The following AAR2 variants were observed in gnomAD, a reference collection of about 807,000 sequenced individuals.
The protein encoded by AAR2 is protein AAR2 homolog.
Under a neutral mutation model 26.9 loss-of-function variants are expected in AAR2, and 31 were observed. That is an observed-to-expected ratio of 1.15 (90% CI 0.86 to 1.55). The LOEUF is 1.55. Among genes scored for constraint, AAR2 ranks in the 40% most tolerant of loss-of-function variants. AAR2 has a pLI of 0.00. For synonymous variants in AAR2, 188 were observed against 196.1 expected (o/e 0.96, Z 0.34); for missense variants, 430 against 491.3 (o/e 0.88, Z 1.18).
intron 3 of AAR2, among the ~76,000 whole-genome samples, chr20:36,247,605 C>T (rs184242022): frequency 3.9e-5 from 6 of 152,250 alleles, no homozygotes; most frequent in Admixed American, 3.3e-4. Context: ...TGGTGGCTCA[C>T]GCCTGTGATC....
At position 36,240,089 on chromosome 20, in the gene AAR2, G is replaced by T. The variant is rs769382754; in HGVS notation, c.221G>T (p.Arg74Leu). The T allele has an allele frequency of 1.2e-6, 2 of 1,614,216 alleles. No individual in the cohort carries two copies. The highest frequency in any genetic ancestry group is 1.1e-5 in the South Asian group (1 of 91,090). Residue 74 changes from arginine (R) to leucine (L), a missense_variant, in exon 2 of 4, where the codon CGT becomes CTT. Coordinates refer to ENST00000320849, the MANE Select transcript of AAR2 (RefSeq NM_001271874.2). ...GCTAATCCGAAGGAAGTAGGCCCTC[G>T]TATGGGTTTCTTCCTTAGCCTGCAC... ...DKANPKEVGP[R>L]MGFFLSLHQR...
chr20:36,248,339 T>C (rs970720715), intron 3 of AAR2, among the ~76,000 whole-genome samples: 16 of 144,580 alleles, frequency 1.1e-4, no homozygotes, highest in African/African-American at 3.3e-4. Context: ...TTCTTCTTCT[T>C]TTTTTTTTTT....
rs1001115790 is a variant in AAR2 at position 36,244,783 on chromosome 20, T to G, written c.844T>G (p.Cys282Gly). 35 of 1,614,078 alleles carry G rather than the reference T, an allele frequency of 2.2e-5. No individual in the cohort carries two copies. The highest frequency in any genetic ancestry group is 3.0e-5 in the Non-Finnish European group (35 of 1,180,042). ...EHWKRLLNLL[C>G]RSEAAMMKHH... ...TTGGAAGCGGCTCCTGAACCTCCTG[T>G]GCCGGTCAGAAGCAGCCATGATGAA... The change falls in exon 3 of 4, where the codon TGC (cysteine) becomes GGC (glycine). Residue 282 changes from cysteine to glycine, a missense_variant. By Grantham distance (159) the Cys-to-Gly change is radical. Coordinates refer to ENST00000320849, the MANE Select transcript of AAR2 (RefSeq NM_001271874.2).
intron 3 of AAR2, among the ~76,000 whole-genome samples, chr20:36,251,022 C>T (rs576048094): frequency 2.8e-4 from 42 of 152,078 alleles, no homozygotes; most frequent in Admixed American, 7.2e-4. Flanking sequence ...CATGGCGAAA[C>T]CCTGTCTCTA....
At chr20:36,242,179 G>C (rs1296907805) in intron 2 of AAR2, among the ~76,000 whole-genome samples, 1 of 131,712 alleles carries the variant, frequency 7.6e-6, no homozygotes, top group Admixed American at 8.6e-5. Context: ...ACAGGGTTTC[G>C]CTGTGTCGCC....
intron 1 of AAR2, 38 bp from the exon 2 acceptor site, chr20:36,239,783 C>T (rs1439373177): frequency 6.8e-7 from 1 of 1,464,584 alleles, no homozygotes; most frequent in Non-Finnish European, 9.2e-7. Flanking sequence ...GCATCTTTCC[C>T]CCACGTTCTG....
Position 36,244,854 on chromosome 20 carries a change from G to C in AAR2, c.915G>C (p.Gln305His). 6.2e-7 allele frequency: 1 copy of C among 1,614,162 alleles called. No homozygotes were observed. The highest frequency in any genetic ancestry group is 8.5e-7 in the Non-Finnish European group (1 of 1,180,030). The change falls in exon 3 of 4, where the codon CAG (glutamine) becomes CAC (histidine). Residue 305 changes from glutamine to histidine, a missense_variant. Physicochemically the swap from Gln to His is conservative, Grantham distance 24. Coordinates refer to ENST00000320849, the MANE Select transcript of AAR2 (RefSeq NM_001271874.2). ...YINLISILYH[Q>H]LGEIPADFFV... ...ACCTCATCTCCATCCTGTACCACCA[G>C]CTTGGTGAGATCCCCGCTGACTTCT...
Position 36,255,930 on chromosome 20 carries a change from C to A in AAR2, c.*185C>A. 1 of 825,814 alleles carries A rather than the reference C, an allele frequency of 1.2e-6. No homozygotes were observed. Among genetic ancestry groups the A allele is most frequent in the East Asian group, 2.8e-5 (1 of 36,198 alleles). The allele number at this position is 825,814 out of a possible 1,614,324, so 51.2% of individuals were successfully genotyped here. A position where few individuals can be genotyped will look rare whatever the true frequency, so the allele number is the denominator to read the frequency against. ...TCTTCATTGCCAAAGAGGCTGTACCCATCCTGAAGGCACATTTGTGGGTTC... is the reference window on the plus strand; with the variant it reads ...TCTTCATTGCCAAAGAGGCTGTACCAATCCTGAAGGCACATTTGTGGGTTC... On this transcript the variant is annotated 3_prime_UTR_variant, in exon 4 of 4. Coordinates refer to ENST00000320849, the MANE Select transcript of AAR2 (RefSeq NM_001271874.2).
chr20:36,241,586 C>T (rs1347236237), intron 2 of AAR2, among the ~76,000 whole-genome samples: 2 of 151,998 alleles, frequency 1.3e-5, no homozygotes, highest in East Asian at 1.9e-4. Flanking sequence ...GTTAGGAGTT[C>T]GAGACCAGCC....
intron 3 of AAR2, among the ~76,000 whole-genome samples, chr20:36,253,514 G>A (rs963359721): frequency 2.6e-5 from 4 of 152,184 alleles, no homozygotes; most frequent in Non-Finnish European, 5.9e-5. Context: ...CCAGTTGGAT[G>A]CTCTGTGAAA....
At chr20:36,241,772 G>A (rs1341935419) in intron 2 of AAR2, among the ~76,000 whole-genome samples, 1 of 152,100 alleles carries the variant, frequency 6.6e-6, no homozygotes, top group Non-Finnish European at 1.5e-5. Context: ...AACAAGAGCC[G>A]TCTCAAAAAT....
At chr20:36,254,837 G>C (rs1180189961) in intron 3 of AAR2, among the ~76,000 whole-genome samples, 1 of 152,110 alleles carries the variant, frequency 6.6e-6, no homozygotes, top group Non-Finnish European at 1.5e-5. Flanking sequence ...CCCTAACATT[G>C]TAGCTCAGCC....
intron 2 of AAR2, among the ~76,000 whole-genome samples, chr20:36,241,536 C>T (rs568029325): frequency 6.6e-6 from 1 of 152,130 alleles, no homozygotes; most frequent in Non-Finnish European, 1.5e-5. Flanking sequence ...CCTGTAATCC[C>T]AGCACTTTGG....
chr20:36,250,067 T>TA (rs2064769231), intron 3 of AAR2, among the ~76,000 whole-genome samples: 1 of 152,170 alleles, frequency 6.6e-6, no homozygotes, highest in South Asian at 2.1e-4. Context: ...TTGGTCTAGC[T>TA]AAAAAAATAG....
In AAR2 at chr20:36,240,422, G is replaced by A. The variant is rs374608307; in HGVS notation, c.554G>A (p.Cys185Tyr). The A allele has an allele frequency of 3.7e-6, 6 of 1,614,112 alleles. No homozygotes were observed. The highest frequency in any genetic ancestry group is 4.2e-6 in the Non-Finnish European group (5 of 1,180,058). ...AATCTACCCCGCTGTGGCATTGAGT[G>A]CAAAAGCTACCAAGAGGGCCTGGCC... ...GQNLPRCGIE[C>Y]KSYQEGLARL... Residue 185 changes from cysteine (C) to tyrosine (Y), a missense_variant, in exon 2 of 4, where the codon TGC becomes TAC. By Grantham distance (194) the Cys-to-Tyr change is radical. Coordinates refer to ENST00000320849, the MANE Select transcript of AAR2 (RefSeq NM_001271874.2).
intron 2 of AAR2, among the ~76,000 whole-genome samples, chr20:36,243,610 A>T (rs2064705070): frequency 6.6e-6 from 1 of 152,228 alleles, no homozygotes; most frequent in African/African-American, 2.4e-5. Context: ...TGTGGTAACC[A>T]GAGACCCAGT....
At chr20:36,237,915 T>C (rs993022411) in intron 1 of AAR2, among the ~76,000 whole-genome samples, 6 of 151,888 alleles carry the variant, frequency 4.0e-5, no homozygotes, top group Non-Finnish European at 8.8e-5. Flanking sequence ...CTCAAGTAGC[T>C]GGGACTACTG....
At chr20:36,255,321 A>G (rs1386364254) in intron 3 of AAR2, among the ~76,000 whole-genome samples, 5 of 152,208 alleles carry the variant, frequency 3.3e-5, no homozygotes, top group Admixed American at 3.3e-4. Flanking sequence ...AGAACCCCCC[A>G]GGGGGTGGAG....
chr20:36,243,338 T>C lies in AAR2; in HGVS notation c.758-1359T>C, dbSNP rs146927844. Among the ~76,000 whole-genome samples, 7 of 152,372 alleles carry C rather than the reference T, an allele frequency of 4.6e-5. No individual in the cohort carries two copies. The East Asian group carries it at 9.6e-4, about 21-fold the overall frequency. On this transcript the variant is annotated intron_variant, in intron 2 of 3. Transcript: ENST00000320849. ...ATATTATACAAAGAAAATTTGACTATATTTGAAAATATTGGTCAGAAATCC... is the reference window on the plus strand; with the variant it reads ...ATATTATACAAAGAAAATTTGACTACATTTGAAAATATTGGTCAGAAATCC...
Sources: allele counts gnomAD v4.1 joint callset (sites outside exome capture counted in the v4.1 genomes callset), GRCh38; gene constraint gnomAD v4.1.1; transcripts MANE v1.5; gene names NCBI Gene and HGNC (gene_info 2026-07-23, HGNC 2026-07-21).